NABP2: variants seen among roughly 807,000 people sequenced by gnomAD.
The protein encoded by NABP2 is SOSS complex subunit B1.
Under a neutral mutation model 22.7 loss-of-function variants are expected in NABP2, and 7 were observed. That is an observed-to-expected ratio of 0.31 (90% CI 0.18 to 0.58). NABP2 has a LOEUF of 0.58. Among genes scored for constraint, NABP2 ranks in the 20% least tolerant of loss-of-function variants. NABP2 has a pLI of 0.89. For synonymous variants in NABP2, 107 were observed against 99.2 expected (o/e 1.08, Z -0.47); for missense variants, 188 against 265.9 (o/e 0.71, Z 2.04).
chr12:56,228,974 T>G, intron 6 of NABP2, 40 bp from the exon 7 acceptor site: 1 of 1,570,460 alleles, frequency 6.4e-7, no homozygotes, highest in Non-Finnish European at 8.7e-7. Flanking sequence ...CCCTCTCCTA[T>G]GTTAACTAAT....
Position 56,225,477 on chromosome 12 carries a change from A to T in NABP2, c.184A>T (p.Ile62Phe). 6.2e-7 allele frequency: 1 copy of T among 1,614,184 alleles called. No homozygotes were observed. The highest frequency in any genetic ancestry group is 8.5e-7 in the Non-Finnish European group (1 of 1,180,024). Reference protein sequence around the residue: ...ISVWDDVGNLIQPGDIIRLTK... With the variant: ...ISVWDDVGNLFQPGDIIRLTK... The stretch of plus-strand genomic sequence containing the variant: ...TGTCTGGGACGATGTTGGCAATCTG[A>T]TCCAGCCTGGGGACATTATCCGGCT... Residue 62 changes from isoleucine (I) to phenylalanine (F), a missense_variant, in exon 3 of 7, where the codon ATC (isoleucine) becomes TTC (phenylalanine). Physicochemically the swap from Ile to Phe is conservative, Grantham distance 21 (BLOSUM62 0). Coordinates refer to ENST00000267023, the MANE Select transcript of NABP2 (RefSeq NM_024068.4).
rs764035727 is a variant in NABP2 at position 56,226,170 on chromosome 12, C to T, written c.291-9C>T. ...AATTCAAGGCTTTAGCTACTTTCTT[C>T]CCTTGCAGATTCTGTATGGTTTATT... On this transcript the variant is annotated splice_polypyrimidine_tract_variant and intron_variant, in intron 4 of 6. Coordinates refer to ENST00000267023, the MANE Select transcript of NABP2 (RefSeq NM_024068.4). The T allele has an allele frequency of 3.1e-6, 5 of 1,613,894 alleles. No homozygotes were observed. The Admixed American group carries it at 5.0e-5, about 16-fold the overall frequency.
upstream of NABP2, among the ~76,000 whole-genome samples, chr12:56,223,227 CAAG>C (rs1228228083): frequency 4.6e-5 from 7 of 152,120 alleles, no homozygotes; most frequent in East Asian, 1.4e-3. Context: ...GGCGACAGAG[CAAG>C]ACTCCTTTGC....
Position 56,229,087 on chromosome 12 carries a change from T to TTGCCCACCCCCC in NABP2, c.510_511insTGCCCACCCCCC (p.Thr170_Pro171insCysProProPro). ...GTGGTGGCCCACATCCCCCTCATAC[T>TTGCCCACCCCCC]CCCTCCCACCCACCCAGCACCCGAA... On this transcript the variant is annotated inframe_insertion, in exon 7 of 7. Coordinates refer to ENST00000267023, the MANE Select transcript of NABP2 (RefSeq NM_024068.4). 1.3e-6 allele frequency: 2 copies of TTGCCCACCCCCC among 1,512,340 alleles called. No individual in the cohort carries two copies. The highest frequency in any genetic ancestry group is 1.8e-6 in the Non-Finnish European group (2 of 1,102,010). The allele number at this position is 1,512,340 out of a possible 1,614,324, so 93.7% of individuals were successfully genotyped here.
At chr12:56,228,455 C>T (rs1264995121) in intron 6 of NABP2, among the ~76,000 whole-genome samples, 1 of 151,110 alleles carries the variant, frequency 6.6e-6, no homozygotes, top group African/African-American at 2.4e-5. Context: ...GGTGCAATCT[C>T]GGCTCACTGC....
At chr12:56,225,213 C>A (rs1869705303) in intron 2 of NABP2, among the ~76,000 whole-genome samples, 160 bp from the exon 3 acceptor site, 1 of 152,140 alleles carries the variant, frequency 6.6e-6, no homozygotes, top group African/African-American at 2.4e-5. Flanking sequence ...CCTCCACCAC[C>A]CCTTCCACAA....
Position 56,229,330 on chromosome 12 carries a change from G to A in NABP2, c.*117G>A, listed in dbSNP as rs1869995077. On this transcript the variant is annotated 3_prime_UTR_variant, in exon 7 of 7. Coordinates refer to ENST00000267023, the MANE Select transcript of NABP2 (RefSeq NM_024068.4). ...TTTAGCCACTGAACTTCAGTGGAGG[G>A]TGGTGAGCAGTGTCCTTATCCACCC... The A allele has an allele frequency of 2.8e-6, 3 of 1,064,558 alleles. No individual in the cohort carries two copies. The East Asian group carries it at 7.3e-5, about 26-fold the overall frequency. 65.9% of individuals were successfully genotyped at this position (1,064,558 alleles called of 1,614,324 possible).
chr12:56,222,638 CAATGTGGAG>C (rs1249863506), upstream of NABP2, among the ~76,000 whole-genome samples: 1 of 152,088 alleles, frequency 6.6e-6, no homozygotes, highest in Non-Finnish European at 1.5e-5. Context: ...CAAGGGAAGT[CAATGTGGAG>C]CCTAAAGAGC....
intron 6 of NABP2, among the ~76,000 whole-genome samples, chr12:56,228,284 T>TAA (rs1471075564): frequency 6.6e-6 from 1 of 152,128 alleles, no homozygotes; most frequent in Non-Finnish European, 1.5e-5. Context: ...CGTACACTCA[T>TAA]ACACACCTTT....
intron 6 of NABP2, among the ~76,000 whole-genome samples, chr12:56,227,521 C>A (rs993640141): frequency 2.0e-5 from 3 of 152,202 alleles, no homozygotes; most frequent in Non-Finnish European, 4.4e-5. Context: ...AAACACACTA[C>A]CTGCCTTTAG....
intron 6 of NABP2, 44 bp downstream of exon 6, chr12:56,226,463 A>G: frequency 1.3e-6 from 2 of 1,529,924 alleles, no homozygotes; most frequent in South Asian, 1.1e-5. Flanking sequence ...TAGCTCTCCC[A>G]CTCTCCTCAG....
At position 56,225,388 on chromosome 12, in the gene NABP2, C is replaced by A. The variant is rs764310478; in HGVS notation, c.95C>A (p.Thr32Lys). Residue 32 changes from threonine (T) to lysine (K), a missense_variant, in exon 3 of 7, where the codon ACA becomes AAA. Transcript: ENST00000267023. ...IVLETGRVTK[T>K]KDGHEVRTCK... ...TTCCGTTCAGGCCGAGTGACCAAGA[C>A]AAAGGACGGGCATGAGGTTCGGACC... 1 of 1,614,190 alleles carries A rather than the reference C, an allele frequency of 6.2e-7. No individual in the cohort carries two copies. Among genetic ancestry groups the A allele is most frequent in the Non-Finnish European group, 8.5e-7 (1 of 1,180,042 alleles).
chr12:56,229,500 CGAGG>C lies in NABP2; in HGVS notation c.*288_*291del, dbSNP rs1870009664. 1 of 380,632 alleles carries C rather than the reference CGAGG, an allele frequency of 2.6e-6. No individual in the cohort carries two copies. Among genetic ancestry groups the C allele is most frequent in the Non-Finnish European group, 4.9e-6 (1 of 203,210 alleles). The allele number at this position is 380,632 out of a possible 1,614,324, so 23.6% of individuals were successfully genotyped here. On this transcript the variant is annotated 3_prime_UTR_variant, in exon 7 of 7. Coordinates refer to ENST00000267023, the MANE Select transcript of NABP2 (RefSeq NM_024068.4). Reference sequence around the variant, plus strand: ...TTGTAATCCCAGCACTTTGGGAAGCCGAGGTGGGCGGATCACCTGAGGTCGGGAG... The same window carrying C: ...TTGTAATCCCAGCACTTTGGGAAGCCTGGGCGGATCACCTGAGGTCGGGAG...
intron 1 of NABP2, 69 bp from the exon 2 acceptor site, chr12:56,224,765 G>T (rs763735873): frequency 1.5e-6 from 2 of 1,358,308 alleles, no homozygotes; most frequent in South Asian, 1.2e-5. Context: ...GGGTAGGTAG[G>T]CCTTGGGAAG....
At chr12:56,226,523 A>G in intron 6 of NABP2, 104 bp downstream of exon 6, 1 of 864,964 alleles carries the variant, frequency 1.2e-6, no homozygotes, top group Non-Finnish European at 1.9e-6. Context: ...CTCTTTTCTC[A>G]GTGTATCCTC....
chr12:56,229,087 T>TTGCCGGCCCC lies in NABP2; in HGVS notation c.510_511insTGCCGGCCCC (p.Pro171CysfsTer33). On this transcript the variant is annotated frameshift_variant, in exon 7 of 7. Coordinates refer to ENST00000267023, the MANE Select transcript of NABP2 (RefSeq NM_024068.4). LOFTEE classifies it high-confidence loss of function. Reference sequence around the variant, plus strand: ...GTGGTGGCCCACATCCCCCTCATACTCCCTCCCACCCACCCAGCACCCGAA... The same window carrying TTGCCGGCCCC: ...GTGGTGGCCCACATCCCCCTCATACTTGCCGGCCCCCCCTCCCACCCACCCAGCACCCGAA... The TTGCCGGCCCC allele has an allele frequency of 3.3e-6, 5 of 1,512,312 alleles. No individual in the cohort carries two copies. Among genetic ancestry groups the TTGCCGGCCCC allele is most frequent in the Non-Finnish European group, 4.5e-6 (5 of 1,101,990 alleles). 93.7% of individuals were successfully genotyped at this position (1,512,312 alleles called of 1,614,324 possible). A position where few individuals can be genotyped will look rare whatever the true frequency, so the allele number is the denominator to read the frequency against.
intron 4 of NABP2, 101 bp downstream of exon 4, chr12:56,225,796 T>C (rs1869734028): frequency 8.2e-7 from 1 of 1,216,768 alleles, no homozygotes; most frequent in Non-Finnish European, 1.2e-6. Flanking sequence ...TTCTGGACTT[T>C]TTCTGTTTGT....
chr12:56,228,536 G>A (rs1158850096), intron 6 of NABP2, among the ~76,000 whole-genome samples: 1 of 151,992 alleles, frequency 6.6e-6, no homozygotes, highest in Non-Finnish European at 1.5e-5. Context: ...ACAGGCGCCT[G>A]CCACCACACC....
In NABP2 at chr12:56,229,468, C is replaced by T. The variant is rs1592370555; in HGVS notation, c.*255C>T. On this transcript the variant is annotated 3_prime_UTR_variant, in exon 7 of 7. Transcript: ENST00000267023. Reference sequence around the variant, plus strand: ...GGCAGTTACTGGCTGGGCGCAGTGGCTCACGCTTGTAATCCCAGCACTTTG... The same window carrying T: ...GGCAGTTACTGGCTGGGCGCAGTGGTTCACGCTTGTAATCCCAGCACTTTG... 4.1e-6 allele frequency: 2 copies of T among 491,152 alleles called. No individual in the cohort carries two copies. The highest frequency in any genetic ancestry group is 3.8e-5 in the East Asian group (1 of 26,190). 30.4% of individuals were successfully genotyped at this position (491,152 alleles called of 1,614,324 possible).
Sources: allele counts gnomAD v4.1 joint callset (sites outside exome capture counted in the v4.1 genomes callset), GRCh38; gene constraint gnomAD v4.1.1; transcripts MANE v1.5; gene names NCBI Gene and HGNC (gene_info 2026-07-23, HGNC 2026-07-21).